Variants in UPF1 observed in about 807,000 individuals in gnomAD.
The protein encoded by UPF1 is UPF1 RNA helicase and ATPase, also known as regulator of nonsense transcripts 1.
UPF1 carries 9 observed loss-of-function variants against 129.2 expected under a neutral mutation model. The ratio of observed to expected loss-of-function variants is 0.07; its 90% CI spans 0.04 to 0.12. The LOEUF (loss-of-function observed/expected upper bound fraction) is 0.12. Among genes scored for constraint, UPF1 ranks in the 10% least tolerant of loss-of-function variants. The probability of loss-of-function intolerance (pLI) is 1.00; values close to 1 mark genes in which losing one functional copy is unlikely to be tolerated. For synonymous variants in UPF1, 649 were observed against 644.9 expected, an observed-to-expected ratio of 1.01 and a Z score of -0.10; for missense variants, 788 against 1,525.3, an observed-to-expected ratio of 0.52 and a Z score of 8.05.
chr19:18,852,111 T>G, intron 5 of UPF1, 24 bp from the exon 6 acceptor site: 1 of 1,584,426 alleles, frequency 6.3e-7, no homozygotes, highest in South Asian at 1.1e-5. Flanking sequence ...AGGACGAGTG[T>G]GGCGCGGTGT....
chr19:18,867,885 A>G lies in UPF1; in HGVS notation c.*1368A>G, dbSNP rs1488911995. The G allele has an allele frequency of 6.6e-6, 1 of 152,266 alleles. No individual in the cohort carries two copies. Among genetic ancestry groups the G allele is most frequent in the Non-Finnish European group, 1.5e-5 (1 of 68,106 alleles). 9.4% of individuals were successfully genotyped at this position (152,266 alleles called of 1,614,324 possible). A position where few individuals can be genotyped will look rare whatever the true frequency, so the allele number is the denominator to read the frequency against. On this transcript the variant is annotated 3_prime_UTR_variant, in exon 24 of 24. Transcript: ENST00000262803. Reference sequence around the variant, plus strand: ...AACACCTCCAGATTCCGGCTTCTACATGGGACAGACGGGGACGCACAGGCC... The same window carrying G: ...AACACCTCCAGATTCCGGCTTCTACGTGGGACAGACGGGGACGCACAGGCC...
At chr19:18,860,248 A>G (rs2055763266) in intron 15 of UPF1, 73 bp from the exon 16 acceptor site, 1 of 1,487,724 alleles carries the variant, frequency 6.7e-7, no homozygotes, top group African/African-American at 1.4e-5. Flanking sequence ...TAGCAACTAC[A>G]TTGCCCTGTG....
In UPF1 at chr19:18,857,494, ATCT is replaced by A. The variant is rs781065846; in HGVS notation, c.2147_2149del (p.Phe716del). On this transcript the variant is annotated inframe_deletion, in exon 15 of 24. Transcript: ENST00000262803. Reference sequence around the variant, plus strand: ...TGCACTCAGCGCCTTCCCATCCAACATCTTCTACGAGGGCTCCCTCCAGAATGG... The same window carrying A: ...TGCACTCAGCGCCTTCCCATCCAACATCTACGAGGGCTCCCTCCAGAATGG... 1 of 1,613,910 alleles carries A rather than the reference ATCT, an allele frequency of 6.2e-7. No individual in the cohort carries two copies.
chr19:18,843,717 T>TTGTG (rs72080135), intron 1 of UPF1, among the ~76,000 whole-genome samples: 2,384 of 144,046 alleles, frequency 0.017, 31 homozygotes, highest in Middle Eastern at 0.028. Context: ...TTGGCCAGGC[T>TTGTG]TGTGTGTGTG....
chr19:18,862,407 G>C (rs992489612), intron 18 of UPF1, among the ~76,000 whole-genome samples: 1 of 152,120 alleles, frequency 6.6e-6, no homozygotes, highest in Non-Finnish European at 1.5e-5. Context: ...GTGTGTGTCT[G>C]TCAAGTTGTT....
Position 18,846,099 on chromosome 19 carries a change from C to A in UPF1, c.351C>A (p.Asp117Glu). The A allele has an allele frequency of 6.2e-7, 1 of 1,614,102 alleles. No individual in the cohort carries two copies. The highest frequency in any genetic ancestry group is 8.5e-7 in the Non-Finnish European group (1 of 1,180,028). The change falls in exon 2 of 24, where the codon GAC (aspartate) becomes GAA (glutamate). Residue 117 changes from aspartate to glutamate, a missense_variant. By Grantham distance (45) the Asp-to-Glu change is conservative (BLOSUM62 2). This residue lies in a region of UPF1 where 227 missense variants were observed against 517.9 expected (regional missense o/e 0.44). Transcript: ENST00000262803. ...AAGAAGACACCTATTACACGAAGGA[C>A]CTCCCCATACACGCCTGCAGGTGAG... ...EDEEDTYYTKDLPIHACSYCG... is the reference protein window; with the variant it reads ...EDEEDTYYTKELPIHACSYCG...
intron 2 of UPF1, 21 bp downstream of exon 2, chr19:18,846,140 C>A: frequency 1.2e-6 from 2 of 1,613,116 alleles, no homozygotes; most frequent in Non-Finnish European, 1.7e-6. Context: ...CTCAGCTGGG[C>A]CTGGGCATGT....
In UPF1 at chr19:18,856,092, G is replaced by T; in HGVS notation, c.1709+3G>T. The stretch of plus-strand genomic sequence containing the variant: ...AACCAGATCAGGAACATGGACAGGT[G>T]TGTGTCGAGTCCATCCCTCCCAGTT... On this transcript the variant is annotated splice_donor_region_variant and intron_variant, in intron 12 of 23. Transcript: ENST00000262803. The T allele has an allele frequency of 6.2e-7, 1 of 1,612,742 alleles. No individual in the cohort carries two copies. The highest frequency in any genetic ancestry group is 8.5e-7 in the Non-Finnish European group (1 of 1,179,038).
At position 18,850,958 on chromosome 19, in the gene UPF1, G is replaced by A. The variant is rs1489955059; in HGVS notation, c.810+90G>A. On this transcript the variant is annotated intron_variant, in intron 5 of 23. Coordinates refer to ENST00000262803, the MANE Select transcript of UPF1 (RefSeq NM_002911.4). The surrounding 1 kb of genome is among the most constrained non-coding windows in gnomAD (Gnocchi z 7.1). ...CTTCAGAGACGGCTTGACCCAGTGA[G>A]ACCGCTGGAGATTCTCTGAAAGGAA... 1.4e-6 allele frequency: 2 copies of A among 1,388,154 alleles called. No individual in the cohort carries two copies. The highest frequency in any genetic ancestry group is 5.2e-5 in the East Asian group (2 of 38,124). 86.0% of individuals were successfully genotyped at this position (1,388,154 alleles called of 1,614,324 possible).
Position 18,855,013 on chromosome 19 carries a change from G to A in UPF1, c.1400G>A (p.Gly467Asp). The A allele has an allele frequency of 6.2e-7, 1 of 1,614,012 alleles. No homozygotes were observed. Among genetic ancestry groups the A allele is most frequent in the East Asian group, 2.2e-5 (1 of 44,884 alleles). ...CTGCCCAAGCGCTTCACGGCGCAGG[G>A]CCTCCCCGACCTCAACCACTCCCAG... ...CQLPKRFTAQ[G>D]LPDLNHSQVY... The change falls in exon 10 of 24, where the codon GGC becomes GAC. Residue 467 changes from glycine to aspartate, a missense_variant. Gly to Asp is a moderately conservative substitution (Grantham distance 94). Transcript: ENST00000262803.
At chr19:18,849,368 C>A in intron 3 of UPF1, 1 of 153,508 alleles carries the variant, frequency 6.5e-6, no homozygotes, top group Non-Finnish European at 1.4e-5. Context: ...AGCTGGGCAT[C>A]CTTGTTAGAT....
In UPF1 at chr19:18,832,494, C is replaced by T. The variant is rs2055438559; in HGVS notation, c.231+54C>T. On this transcript the variant is annotated intron_variant, in intron 1 of 23. Coordinates refer to ENST00000262803, the MANE Select transcript of UPF1 (RefSeq NM_002911.4). This position sits in a 1 kb window ranked among gnomAD's most constrained non-coding sequence, Gnocchi z 5.6. ...CCGGGCCCGGCCTCGGCGCCTGAGA[C>T]CTGCCCCGAACTCGCCTCGGGCCCG... The T allele has an allele frequency of 2.0e-6, 2 of 994,100 alleles. No homozygotes were observed. Among genetic ancestry groups the T allele is most frequent in the African/African-American group, 3.5e-5 (2 of 57,476 alleles). The allele number at this position is 994,100 out of a possible 1,614,324, so 61.6% of individuals were successfully genotyped here. A position where few individuals can be genotyped will look rare whatever the true frequency, so the allele number is the denominator to read the frequency against.
chr19:18,864,189 C>T lies in UPF1; in HGVS notation c.2795C>T (p.Thr932Ile). 1 of 1,614,006 alleles carries T rather than the reference C, an allele frequency of 6.2e-7. No individual in the cohort carries two copies. The highest frequency in any genetic ancestry group is 8.5e-7 in the Non-Finnish European group (1 of 1,179,882). The change falls in exon 20 of 24, where the codon ACA (threonine) becomes ATA (isoleucine). Residue 932 changes from threonine (T) to isoleucine (I), a missense_variant. Thr to Ile is a moderately conservative substitution (Grantham distance 89, BLOSUM62 -1). This residue lies in a region of UPF1 where 218 missense variants were observed against 318.1 expected (regional missense o/e 0.69). Transcript: ENST00000262803. The stretch of plus-strand genomic sequence containing the variant: ...TCGCAGGGAGCCCGCTTCATGACCA[C>T]AGCCATGTATGATGCCCGGGAGGCC... Reference protein sequence around the residue: ...TINPGARFMTTAMYDAREAII... With the variant: ...TINPGARFMTIAMYDAREAII...
chr19:18,855,079 C>T (rs756767949), intron 10 of UPF1, 41 bp downstream of exon 10: 65 of 1,613,024 alleles, frequency 4.0e-5, no homozygotes, highest in Non-Finnish European at 5.0e-5. Flanking sequence ...GCCCATGGGC[C>T]GGGACGCAAG....
At position 18,865,348 on chromosome 19, in the gene UPF1, C is replaced by T. The variant is rs1358324082; in HGVS notation, c.2917C>T (p.Pro973Ser). The T allele has an allele frequency of 6.2e-7, 1 of 1,614,024 alleles. No individual in the cohort carries two copies. Among genetic ancestry groups the T allele is most frequent in the Middle Eastern group, 1.6e-4 (1 of 6,062 alleles). Residue 973 changes from proline (P) to serine (S), a missense_variant, in exon 21 of 24, where the codon CCT becomes TCT. Pro to Ser is a moderately conservative substitution (Grantham distance 74, BLOSUM62 -1). Around this residue, in one of 6 missense-constraint regions of UPF1, gnomAD observed 218 missense variants for 318.1 expected, o/e 0.69. Coordinates refer to ENST00000262803, the MANE Select transcript of UPF1 (RefSeq NM_002911.4). This position sits in a 1 kb window ranked among gnomAD's most constrained non-coding sequence, Gnocchi z 6.1. ...HDQIGMISAG[P>S]SHVAAMNIPI... ...CCAGATTGGCATGATCAGTGCCGGC[C>T]CTAGCCACGTGGCTGCCATGAACAT...
In UPF1 at chr19:18,863,421, C is replaced by T. The variant is rs772953825; in HGVS notation, c.2601-17C>T. On this transcript the variant is annotated splice_polypyrimidine_tract_variant and intron_variant, in intron 18 of 23. Transcript: ENST00000262803. ...CAGCTCTCCACCTGCGTCCTCAGCACTGCGCCCTTGTTGCAGGTATGGCGT... is the reference window on the plus strand; with the variant it reads ...CAGCTCTCCACCTGCGTCCTCAGCATTGCGCCCTTGTTGCAGGTATGGCGT... The T allele has an allele frequency of 1.2e-6, 2 of 1,610,138 alleles. No individual in the cohort carries two copies. The highest frequency in any genetic ancestry group is 1.7e-6 in the Non-Finnish European group (2 of 1,176,824).
chr19:18,855,978 A>G lies in UPF1; in HGVS notation c.1598A>G (p.Lys533Arg). The G allele has an allele frequency of 6.2e-7, 1 of 1,613,982 alleles. No homozygotes were observed. The highest frequency in any genetic ancestry group is 8.5e-7 in the Non-Finnish European group (1 of 1,180,040). Residue 533 changes from lysine (K) to arginine (R), a missense_variant, in exon 12 of 24, where the codon AAG becomes AGG. Coordinates refer to ENST00000262803, the MANE Select transcript of UPF1 (RefSeq NM_002911.4). ...SNIAVDQLTE[K>R]IHQTGLKVVR... ...ATCGCCGTGGACCAGCTAACGGAGA[A>G]GATCCACCAGACGGGGCTAAAGGTC...
intron 15 of UPF1, 52 bp downstream of exon 15, chr19:18,857,585 G>C: frequency 6.6e-7 from 1 of 1,516,596 alleles, no homozygotes; most frequent in East Asian, 2.4e-5. Context: ...CGGCATCAAG[G>C]GAATGTGGAC....
intron 19 of UPF1, 79 bp downstream of exon 19, chr19:18,863,691 C>A: frequency 6.9e-7 from 1 of 1,459,484 alleles, no homozygotes. Flanking sequence ...CCAGCTTGGC[C>A]CGTGTGCCCG....
Sources: gnomAD v4.1 joint callset for allele counts (sites outside exome capture counted in the v4.1 genomes callset) on GRCh38, gnomAD v4.1.1 for gene constraint, gnomAD v4.1.1 regional missense constraint, Gnocchi (gnomAD v3.1) non-coding constraint, MANE v1.5 for transcripts, NCBI Gene and HGNC (gene_info 2026-07-23, HGNC 2026-07-21) for gene names.